ARMH3: variants seen among roughly 807,000 people sequenced by gnomAD.
ARMH3 encodes the protein armadillo-like helical domain-containing protein 3.
Under a neutral mutation model 99.1 loss-of-function variants are expected in ARMH3, and 60 were observed. That is an observed-to-expected ratio of 0.61 (90% CI 0.49 to 0.75). The LOEUF is 0.75. ARMH3 is among the 30% of genes least tolerant of loss of function. The pLI is 0.00. For missense variants in ARMH3, 679 were observed against 843.1 expected, an observed-to-expected ratio of 0.81 and a Z score of 2.41; for synonymous variants, 285 against 292.8, an observed-to-expected ratio of 0.97 and a Z score of 0.27.
intron 1 of ARMH3, among the ~76,000 whole-genome samples, chr10:102,054,260 G>A (rs995442116): frequency 2.0e-5 from 3 of 151,906 alleles, no homozygotes; most frequent in African/African-American, 4.8e-5. Context: ...ATGGTGGTGC[G>A]CGCCTGTAGT....
At chr10:102,009,515 GAAGAT>G (rs2066582460) in intron 12 of ARMH3, 66 bp from the exon 13 acceptor site, 1 of 1,343,280 alleles carries the variant, frequency 7.4e-7, no homozygotes, top group African/African-American at 1.4e-5. Flanking sequence ...GTATAACCAT[GAAGAT>G]AAGATTGGAT....
chr10:101,961,382 A>G (rs1845294997), intron 20 of ARMH3, among the ~76,000 whole-genome samples: 1 of 152,128 alleles, frequency 6.6e-6, no homozygotes, highest in East Asian at 1.9e-4. Flanking sequence ...GCCTTCTTCA[A>G]AATTAGGTAC....
intron 19 of ARMH3, among the ~76,000 whole-genome samples, chr10:101,986,217 T>C (rs373233014): frequency 2.3e-4 from 35 of 152,270 alleles, no homozygotes; most frequent in African/African-American, 6.0e-4. Flanking sequence ...AGTCTGTACC[T>C]TTCTTCTGAT....
intron 24 of ARMH3, among the ~76,000 whole-genome samples, chr10:101,858,440 C>G (rs2066783722): frequency 6.6e-6 from 1 of 152,196 alleles, no homozygotes; most frequent in Non-Finnish European, 1.5e-5. Context: ...TGAAAGCTTT[C>G]TATGCTTGGC....
chr10:101,948,715 G>A (rs940527252), intron 22 of ARMH3, among the ~76,000 whole-genome samples: 2 of 151,862 alleles, frequency 1.3e-5, no homozygotes, highest in African/African-American at 4.8e-5. Context: ...AACAATTTGT[G>A]AAAACAGAGA....
intron 22 of ARMH3, among the ~76,000 whole-genome samples, chr10:101,944,289 GA>G (rs1844407328): frequency 8.8e-5 from 6 of 68,422 alleles, no homozygotes; most frequent in Admixed American, 8.6e-4. Context: ...GAGAGAGAGA[GA>G]GAGAGAGAGA....
chr10:101,904,407 G>GT (rs61490354), intron 23 of ARMH3, among the ~76,000 whole-genome samples: 26 of 151,984 alleles, frequency 1.7e-4, no homozygotes, highest in African/African-American at 5.3e-4. Context: ...CCAGTGAGGA[G>GT]TTTTTTTTAA....
At chr10:101,922,960 G>C (rs904901154) in intron 23 of ARMH3, among the ~76,000 whole-genome samples, 1 of 152,036 alleles carries the variant, frequency 6.6e-6, no homozygotes, top group Non-Finnish European at 1.5e-5. Context: ...GGTACACTGG[G>C]TAGTGAAAAT....
chr10:102,007,833 C>CAAAAAA (rs529858697), intron 13 of ARMH3, among the ~76,000 whole-genome samples: 11 of 48,904 alleles, frequency 2.2e-4, no homozygotes, highest in Non-Finnish European at 2.9e-4. Flanking sequence ...ACACCATCTC[C>CAAAAAA]AAAAAAAAAA....
chr10:102,000,895 C>T (rs1462759119), intron 15 of ARMH3, among the ~76,000 whole-genome samples: 1 of 152,038 alleles, frequency 6.6e-6, no homozygotes, highest in Non-Finnish European at 1.5e-5. Flanking sequence ...CAACTCTCTA[C>T]AACCTCCACC....
chr10:102,046,843 A>G (rs1388402471), intron 1 of ARMH3, among the ~76,000 whole-genome samples: 1 of 152,182 alleles, frequency 6.6e-6, no homozygotes, highest in Non-Finnish European at 1.5e-5. Context: ...GAAACTGTGA[A>G]GAGGTTCTAG....
At chr10:101,895,127 T>C (rs1298937467) in intron 23 of ARMH3, among the ~76,000 whole-genome samples, 2 of 152,002 alleles carry the variant, frequency 1.3e-5, no homozygotes, top group East Asian at 1.9e-4. Flanking sequence ...GGCAATTAAA[T>C]AGGGAAAAAA....
intron 23 of ARMH3, among the ~76,000 whole-genome samples, chr10:101,934,626 C>T (rs1287175980): frequency 6.6e-6 from 1 of 152,146 alleles, no homozygotes; most frequent in African/African-American, 2.4e-5. Flanking sequence ...GATTCAGTCA[C>T]TATTTCTTTC....
intron 1 of ARMH3, among the ~76,000 whole-genome samples, chr10:102,050,648 G>A (rs565634253): frequency 4.7e-5 from 7 of 149,818 alleles, no homozygotes; most frequent in South Asian, 4.2e-4. Context: ...ACTTGAGGTC[G>A]GGAGTTCGAA....
chr10:101,955,187 TA>T (rs1335282744), intron 22 of ARMH3, among the ~76,000 whole-genome samples: 1 of 151,872 alleles, frequency 6.6e-6, no homozygotes, highest in African/African-American at 2.4e-5. Flanking sequence ...GCCAAGCTCC[TA>T]AAAAAAAGAG....
chr10:101,985,115 G>C (rs1846416136), intron 19 of ARMH3, among the ~76,000 whole-genome samples: 2 of 127,896 alleles, frequency 1.6e-5, no homozygotes, highest in Admixed American at 7.9e-5. Context: ...ACACACACGT[G>C]TACATATATA....
chr10:102,014,679 C>T (rs752191701), intron 8 of ARMH3, among the ~76,000 whole-genome samples: 2 of 152,148 alleles, frequency 1.3e-5, no homozygotes, highest in African/African-American at 2.4e-5. Flanking sequence ...GGTCAGGACA[C>T]TGGAATTTAA....
Position 101,991,989 on chromosome 10 carries a change from G to C in ARMH3, c.1325C>G (p.Pro442Arg), listed in dbSNP as rs368229884. 27 of 1,613,914 alleles carry C rather than the reference G, an allele frequency of 1.7e-5. No homozygotes were observed. Among genetic ancestry groups the C allele is most frequent in the Non-Finnish European group, 2.2e-5 (26 of 1,179,964 alleles). ...CTCACCCAGTACTGCACATACTAAA[G>C]GACGGCAGGGAAGATTCTTGTCTGC... ...KAADKNLPCR[P>R]LVCAVLDLMV... The change falls in exon 18 of 26, where the codon CCT becomes CGT. Residue 442 changes from proline to arginine, a missense_variant. Transcript: ENST00000370033.
Position 101,867,832 on chromosome 10 carries a change from A to C in ARMH3, c.1861-17940T>G, listed in dbSNP as rs553076572. On this transcript the variant is annotated intron_variant, in intron 24 of 25. Coordinates refer to ENST00000370033, the MANE Select transcript of ARMH3 (RefSeq NM_024541.3). The stretch of plus-strand genomic sequence containing the variant: ...GTATGACAGAGTGAGACCCCATCCC[A>C]AAAAAAAAAGAAAAAGCCATGAAAG... 1.0e-3 allele frequency among the ~76,000 whole-genome samples: 147 copies of C among 147,426 alleles called. 2 individuals are homozygous for C. The highest frequency in any genetic ancestry group is 5.9e-3 in the Admixed American group (87 of 14,734).
Sources: gnomAD v4.1 joint callset for allele counts (sites outside exome capture counted in the v4.1 genomes callset) on GRCh38, gnomAD v4.1.1 for gene constraint, MANE v1.5 for transcripts, NCBI Gene and HGNC (gene_info 2026-07-23, HGNC 2026-07-21) for gene names.